Variants in UNC80 observed in about 807,000 individuals in gnomAD.
The protein encoded by UNC80 is protein unc-80 homolog.
A neutral mutation model predicts 384.6 loss-of-function variants in UNC80; 164 were observed. The observed-to-expected ratio is 0.43, with a 90% CI of 0.38 to 0.49. The LOEUF is 0.49. Among genes scored for constraint, UNC80 ranks in the 20% least tolerant of loss-of-function variants. The pLI is 0.00. For synonymous variants in UNC80, 1,486 were observed against 1,527.8 expected, an observed-to-expected ratio of 0.97 and a Z score of 0.64; for missense variants, 3,330 against 4,143.0, an observed-to-expected ratio of 0.80 and a Z score of 5.39.
intron 42 of UNC80, among the ~76,000 whole-genome samples, chr2:209,937,953 A>G (rs1033831202): frequency 3.3e-5 from 5 of 152,184 alleles, no homozygotes; most frequent in South Asian, 4.1e-4. Context: ...TGGATTGGAA[A>G]TACACATAAT....
intron 5 of UNC80, 91 bp from the exon 6 acceptor site, chr2:209,789,441 A>G: frequency 2.3e-6 from 2 of 862,654 alleles, no homozygotes; most frequent in Non-Finnish European, 3.7e-6. Context: ...GTTCTATTAA[A>G]ATAGCTTTTC....
chr2:209,967,483 A>G lies in UNC80; in HGVS notation c.7852A>G (p.Thr2618Ala). The change falls in exon 52 of 65, where the codon ACT becomes GCT. Residue 2618 changes from threonine to alanine, a missense_variant. Thr to Ala is a moderately conservative substitution (Grantham distance 58). Around this residue, in one of 8 missense-constraint regions of UNC80, gnomAD observed 1,049 missense variants for 1,488.6 expected, o/e 0.70. Transcript: ENST00000673920. ...HSLLKLAPYD[T>A]QTMESRGLRR... ...CCTTCTGAAGCTGGCACCATATGAC[A>G]CTCAGACAATGGAGAGTCGTGGGCT... is the stretch of plus-strand genomic sequence containing the variant. 6.4e-7 allele frequency: 1 copy of G among 1,551,546 alleles called. No homozygotes were observed. Among genetic ancestry groups the G allele is most frequent in the South Asian group, 1.2e-5 (1 of 84,058 alleles).
At chr2:209,978,390 A>G (rs959400325) in intron 58 of UNC80, 139 bp from the exon 59 acceptor site, 2 of 669,068 alleles carry the variant, frequency 3.0e-6, no homozygotes, top group South Asian at 5.2e-5. Context: ...TTCATTTGCA[A>G]CTTTGTTATA....
chr2:209,985,977 C>G lies in UNC80; in HGVS notation c.9314+1065C>G, dbSNP rs557535527. 3.3e-5 allele frequency among the ~76,000 whole-genome samples: 5 copies of G among 152,168 alleles called. No homozygotes were observed. In the South Asian group the frequency reaches 1.0e-3, roughly 32 times the overall value. On this transcript the variant is annotated intron_variant, in intron 61 of 64. Coordinates refer to ENST00000673920, the MANE Select transcript of UNC80 (RefSeq NM_001371986.1). ...TTTTTTTTTAACCAGACCCATAATT[C>G]ATGACATTCGTGTTTGCCAGCCCTT...
intron 7 of UNC80, among the ~76,000 whole-genome samples, chr2:209,808,013 T>TA (rs1480917731): frequency 1.3e-5 from 2 of 152,212 alleles, no homozygotes; most frequent in Non-Finnish European, 2.9e-5. Context: ...TTACATAAGA[T>TA]ACGGATATGT....
intron 62 of UNC80, 73 bp from the exon 63 acceptor site, chr2:209,993,240 CAT>C (rs979828304): frequency 1.8e-6 from 2 of 1,123,318 alleles, no homozygotes; most frequent in Non-Finnish European, 2.6e-6. Context: ...TCCACAGAAA[CAT>C]ATAAATAAAG....
intron 43 of UNC80, among the ~76,000 whole-genome samples, chr2:209,940,508 G>A (rs886968184): frequency 2.6e-5 from 4 of 151,926 alleles, no homozygotes; most frequent in Non-Finnish European, 4.4e-5. Context: ...ATGTTTTATC[G>A]CCCTCATCCA....
chr2:209,866,917 CATA>C (rs1182795366), intron 22 of UNC80, among the ~76,000 whole-genome samples: 2 of 152,224 alleles, frequency 1.3e-5, no homozygotes, highest in South Asian at 2.1e-4. Context: ...TTTATTGACA[CATA>C]ATAGTTGTGC....
At chr2:209,799,866 T>A (rs894839343) in intron 7 of UNC80, among the ~76,000 whole-genome samples, 1 of 152,228 alleles carries the variant, frequency 6.6e-6, no homozygotes, top group Non-Finnish European at 1.5e-5. Flanking sequence ...ATGTGATGAA[T>A]TACGTTTATT....
chr2:209,916,013 A>G (rs1231387783), intron 31 of UNC80, among the ~76,000 whole-genome samples: 1 of 152,216 alleles, frequency 6.6e-6, no homozygotes, highest in Non-Finnish European at 1.5e-5. Context: ...TTAAGTGCAT[A>G]TTTTTAAAAT....
chr2:209,840,344 T>A (rs1165684839), intron 19 of UNC80, among the ~76,000 whole-genome samples, 198 bp from the exon 20 acceptor site: 1 of 152,234 alleles, frequency 6.6e-6, no homozygotes, highest in Non-Finnish European at 1.5e-5. Flanking sequence ...CTTTTCGTCT[T>A]GGTCCCACAT....
chr2:209,862,717 T>C (rs1291435261), intron 22 of UNC80, among the ~76,000 whole-genome samples: 1 of 149,978 alleles, frequency 6.7e-6, no homozygotes, highest in Non-Finnish European at 1.5e-5. Flanking sequence ...ATTTTGAGCC[T>C]ATGTGTGTCT....
At chr2:209,851,768 G>A (rs1003586545) in intron 22 of UNC80, among the ~76,000 whole-genome samples, 6 of 151,994 alleles carry the variant, frequency 3.9e-5, no homozygotes, top group African/African-American at 7.2e-5. Flanking sequence ...CAGAAAGACC[G>A]ATTAATAGGC....
intron 53 of UNC80, 111 bp from the exon 54 acceptor site, chr2:209,970,721 G>A: frequency 7.5e-7 from 1 of 1,334,516 alleles, no homozygotes; most frequent in Non-Finnish European, 1.0e-6. Context: ...AAAGTAACAT[G>A]TCCAACCTTC....
intron 21 of UNC80, among the ~76,000 whole-genome samples, chr2:209,844,480 C>CTTCT (rs2082019822): frequency 9.3e-5 from 5 of 54,022 alleles, no homozygotes; most frequent in African/African-American, 4.1e-4. Flanking sequence ...TCTTTCTTTC[C>CTTCT]TTCCTTCCTT....
At chr2:209,772,267 G>A in intron 1 of UNC80, 103 bp downstream of exon 1, 2 of 469,236 alleles carry the variant, frequency 4.3e-6, no homozygotes, top group South Asian at 9.5e-5. Flanking sequence ...CCGCGCCACA[G>A]CCTGCAGCTC....
intron 29 of UNC80, among the ~76,000 whole-genome samples, chr2:209,910,177 G>C (rs375753799): frequency 6.6e-6 from 1 of 151,210 alleles, no homozygotes; most frequent in East Asian, 2.0e-4. Context: ...CTTTGGTCTT[G>C]GGTTGCTAAT....
intron 13 of UNC80, among the ~76,000 whole-genome samples, chr2:209,823,062 T>C (rs758755698): frequency 2.2e-4 from 33 of 152,328 alleles, no homozygotes; most frequent in Non-Finnish European, 4.4e-5. Context: ...AATCAGAAGG[T>C]TTATCTAATT....
At chr2:209,921,352 G>A in intron 33 of UNC80, 148 bp from the exon 34 acceptor site, 1 of 782,044 alleles carries the variant, frequency 1.3e-6, no homozygotes, top group South Asian at 3.0e-5. Context: ...TTGGTAAAAG[G>A]ACAAATATCC....
Sources: gnomAD v4.1 joint callset for allele counts (sites outside exome capture counted in the v4.1 genomes callset) on GRCh38, gnomAD v4.1.1 for gene constraint, gnomAD v4.1.1 regional missense constraint, MANE v1.5 for transcripts, NCBI Gene and HGNC (gene_info 2026-07-23, HGNC 2026-07-21) for gene names.